VWC2L: variants seen among roughly 807,000 people sequenced by gnomAD.
VWC2L encodes von Willebrand factor C domain containing 2 like, also known as von Willebrand factor C domain-containing protein 2-like.
VWC2L carries 10 observed loss-of-function variants against 21.6 expected under a neutral mutation model. The ratio of observed to expected loss-of-function variants is 0.46; its 90% CI spans 0.29 to 0.78. The LOEUF (loss-of-function observed/expected upper bound fraction) is 0.78. VWC2L is among the 30% of genes least tolerant of loss of function. VWC2L has a pLI of 0.10. For synonymous variants in VWC2L, 96 were observed against 94.3 expected, an observed-to-expected ratio of 1.02 and a Z score of -0.10; for missense variants, 209 against 277.1, an observed-to-expected ratio of 0.75 and a Z score of 1.74.
chr2:214,413,076 A>G (rs996766107), intron 1 of VWC2L, among the ~76,000 whole-genome samples: 1 of 152,108 alleles, frequency 6.6e-6, no homozygotes, highest in Non-Finnish European at 1.5e-5. Flanking sequence ...TACAAGAGTC[A>G]GTGTCACAAA....
At chr2:214,436,948 T>G (rs1702687573) in intron 3 of VWC2L, among the ~76,000 whole-genome samples, 190 bp downstream of exon 3, 1 of 152,186 alleles carries the variant, frequency 6.6e-6, no homozygotes, top group African/African-American at 2.4e-5. Context: ...TGTGCAGCTT[T>G]CCATCTGGGG....
rs551497054 is a variant in VWC2L, at chr2:214,558,978, G to A, written c.521-16694G>A. 4.6e-4 allele frequency among the ~76,000 whole-genome samples: 70 copies of A among 151,128 alleles called. 1 individual carries two copies. Among genetic ancestry groups the A allele is most frequent in the Middle Eastern group, 3.4e-3 (1 of 292 alleles). On this transcript the variant is annotated intron_variant, in intron 3 of 3. Coordinates refer to ENST00000312504, the MANE Select transcript of VWC2L (RefSeq NM_001080500.4). ...GCTGGTGCACTGCACCCACTAACTC[G>A]TCATCTAGCATTAGGTATATCTCCC...
intron 3 of VWC2L, among the ~76,000 whole-genome samples, chr2:214,443,546 A>T (rs1257313202): frequency 6.6e-6 from 1 of 152,176 alleles, no homozygotes; most frequent in Non-Finnish European, 1.5e-5. Flanking sequence ...GAACCCCGTT[A>T]GTATAATTTG....
In VWC2L at chr2:214,511,845, T is replaced by TTA. The variant is rs1239341875; in HGVS notation, c.521-63816_521-63815dup. Reference sequence around the variant, plus strand: ...AACACACTATATATATATATACACTTTATATATATATACTCTATATATATA... The same window carrying TTA: ...AACACACTATATATATATATACACTTTATATATATATATACTCTATATATATA... On this transcript the variant is annotated intron_variant, in intron 3 of 3. Coordinates refer to ENST00000312504, the MANE Select transcript of VWC2L (RefSeq NM_001080500.4). Among the ~76,000 whole-genome samples the TTA allele has an allele frequency of 6.6e-3, 881 of 134,154 alleles. 10 individuals are homozygous for TTA. Among genetic ancestry groups the TTA allele is most frequent in the Non-Finnish European group, 9.7e-3 (579 of 59,680 alleles). The allele number at this position is 134,154 out of a possible 152,430, so 88.0% of individuals were successfully genotyped here.
chr2:214,450,928 G>A (rs1437720571), intron 3 of VWC2L, among the ~76,000 whole-genome samples: 2 of 152,046 alleles, frequency 1.3e-5, no homozygotes, highest in Middle Eastern at 3.2e-3. Flanking sequence ...CCTATAAAGG[G>A]GAAATAATTA....
intron 3 of VWC2L, among the ~76,000 whole-genome samples, chr2:214,563,570 A>AAAAAAAAAAAAT: frequency 6.8e-6 from 1 of 146,364 alleles, no homozygotes; most frequent in Non-Finnish European, 1.5e-5. Context: ...AAAAAAAAAA[A>AAAAAAAAAAAAT]AAAAAAAAAA....
chr2:214,442,694 T>C (rs959522385), intron 3 of VWC2L, among the ~76,000 whole-genome samples: 1 of 151,964 alleles, frequency 6.6e-6, no homozygotes, highest in African/African-American at 2.4e-5. Flanking sequence ...GAAAAAATAA[T>C]CCTAATTTTA....
intron 3 of VWC2L, among the ~76,000 whole-genome samples, chr2:214,440,814 A>T (rs1702754747): frequency 6.6e-6 from 1 of 152,148 alleles, no homozygotes; most frequent in Non-Finnish European, 1.5e-5. Context: ...AAAATAAAAT[A>T]TGTAGTCAGT....
chr2:214,559,070 A>C (rs1574636046), intron 3 of VWC2L, among the ~76,000 whole-genome samples: 1 of 147,648 alleles, frequency 6.8e-6, no homozygotes, highest in East Asian at 2.0e-4. Context: ...ATGGGAGAAA[A>C]TTTTCACAAC....
chr2:214,512,614 G>A (rs1362024834), intron 3 of VWC2L, among the ~76,000 whole-genome samples: 2 of 151,916 alleles, frequency 1.3e-5, no homozygotes, highest in Non-Finnish European at 2.9e-5. Flanking sequence ...TTTGTCAATG[G>A]ACATGTACCT....
intron 3 of VWC2L, among the ~76,000 whole-genome samples, chr2:214,466,925 AT>A (rs747144017): frequency 3.3e-5 from 5 of 152,278 alleles, no homozygotes; most frequent in Non-Finnish European, 5.9e-5. Flanking sequence ...TATGAATCAC[AT>A]TTTCATGCTT....
chr2:214,562,019 A>G (rs1689983299), intron 3 of VWC2L, among the ~76,000 whole-genome samples: 1 of 152,008 alleles, frequency 6.6e-6, no homozygotes, highest in African/African-American at 2.4e-5. Flanking sequence ...TCTGTGGTAC[A>G]TGTACAGGCA....
At chr2:214,523,603 C>T (rs563621657) in intron 3 of VWC2L, among the ~76,000 whole-genome samples, 16 of 152,174 alleles carry the variant, frequency 1.1e-4, no homozygotes, top group Admixed American at 2.6e-4. Context: ...CTTTGGGTGA[C>T]CAAGGCAGGT....
intron 3 of VWC2L, among the ~76,000 whole-genome samples, chr2:214,567,153 T>C (rs1216956324): frequency 6.6e-6 from 1 of 152,188 alleles, no homozygotes; most frequent in Non-Finnish European, 1.5e-5. Context: ...AGGCCAAAAA[T>C]TGCTATACTC....
At chr2:214,504,987 A>G (rs1688947597) in intron 3 of VWC2L, among the ~76,000 whole-genome samples, 1 of 152,232 alleles carries the variant, frequency 6.6e-6, no homozygotes, top group African/African-American at 2.4e-5. Context: ...ACTTAAAGAT[A>G]TCATAATTAG....
chr2:214,559,585 A>G (rs1574636333), intron 3 of VWC2L, among the ~76,000 whole-genome samples: 1 of 150,072 alleles, frequency 6.7e-6, no homozygotes, highest in Non-Finnish European at 1.5e-5. Flanking sequence ...TTTATTTTTC[A>G]CAAATTTAAT....
chr2:214,478,366 C>A (rs927955838), intron 3 of VWC2L, among the ~76,000 whole-genome samples: 7 of 151,936 alleles, frequency 4.6e-5, no homozygotes. Context: ...GTAATCCCAG[C>A]TACTCAGGAG....
At chr2:214,422,283 C>G (rs1039683401) in intron 2 of VWC2L, among the ~76,000 whole-genome samples, 8 of 144,392 alleles carry the variant, frequency 5.5e-5, no homozygotes, top group Non-Finnish European at 1.2e-4. Flanking sequence ...TTTAATTGCT[C>G]CATACATGCA....
intron 3 of VWC2L, among the ~76,000 whole-genome samples, chr2:214,508,187 A>T (rs1168263576): frequency 6.6e-6 from 1 of 152,118 alleles, no homozygotes; most frequent in Non-Finnish European, 1.5e-5. Context: ...CGTGTTAGCC[A>T]GGATGGTCTG....
Sources: gnomAD v4.1 joint callset for allele counts (sites outside exome capture counted in the v4.1 genomes callset) on GRCh38, gnomAD v4.1.1 for gene constraint, MANE v1.5 for transcripts, NCBI Gene and HGNC (gene_info 2026-07-23, HGNC 2026-07-21) for gene names.